Variants in SCARA3 observed in about 807,000 individuals in gnomAD.
SCARA3 encodes scavenger receptor class A member 3.
In SCARA3, 39 loss-of-function variants were observed where a neutral mutation model predicts 47.0. That is an observed-to-expected ratio of 0.83 (90% CI 0.64 to 1.08). SCARA3 has a LOEUF of 1.08. Ranked by LOEUF, SCARA3 falls within the 50% of genes least tolerant of loss-of-function variation. The probability of loss-of-function intolerance (pLI) is 0.00; values close to 1 mark genes in which losing one functional copy is unlikely to be tolerated. For missense variants in SCARA3, 724 were observed against 792.3 expected (o/e 0.91, Z 1.04); for synonymous variants, 356 against 334.1 (o/e 1.07, Z -0.71).
At chr8:27,705,730 A>G in the SCARA3 span, among the ~76,000 whole-genome samples, 9 of 152,370 alleles carry the variant, frequency 5.9e-5, no homozygotes, top group South Asian at 1.9e-3. Flanking sequence ...AGGAAGTTGT[A>G]GCTTAGTGAG....
At chr8:27,659,876 A>AG (rs1299844644) in intron 5 of SCARA3, among the ~76,000 whole-genome samples, 117 of 90,480 alleles carry the variant, frequency 1.3e-3, no homozygotes, top group African/African-American at 3.7e-3. Flanking sequence ...AAAAAAAAAA[A>AG]AGAGAGAGAG....
the SCARA3 span, among the ~76,000 whole-genome samples, chr8:27,723,395 G>T: frequency 2.6e-5 from 4 of 152,092 alleles, no homozygotes; most frequent in African/African-American, 9.7e-5. Flanking sequence ...CTTCCTTTTG[G>T]CAACCTTCTG....
intron 4 of SCARA3, among the ~76,000 whole-genome samples, chr8:27,657,540 CTTT>C (rs10548067): frequency 2.0e-4 from 19 of 94,462 alleles, no homozygotes; most frequent in Admixed American, 2.5e-4. Flanking sequence ...TGTATTCAAC[CTTT>C]TTTTTTTTTT....
At chr8:27,709,358 G>A in the SCARA3 span, among the ~76,000 whole-genome samples, 1 of 152,222 alleles carries the variant, frequency 6.6e-6, no homozygotes, top group Admixed American at 6.5e-5. Context: ...ACCGGGCCAG[G>A]AAGAGGCAGG....
intron 1 of SCARA3, among the ~76,000 whole-genome samples, chr8:27,642,518 G>T (rs1284553983): frequency 6.6e-6 from 1 of 152,144 alleles, no homozygotes; most frequent in Non-Finnish European, 1.5e-5. Context: ...TGACAACGGG[G>T]ATCAAGAGAA....
downstream of SCARA3, among the ~76,000 whole-genome samples, chr8:27,681,699 G>A (rs1802358427): frequency 3.9e-5 from 6 of 152,176 alleles, no homozygotes; most frequent in Admixed American, 3.9e-4. Flanking sequence ...TCCAGCCTGG[G>A]CAACAGGCTG....
At chr8:27,660,678 G>A (rs140152839) in intron 5 of SCARA3, among the ~76,000 whole-genome samples, 51 of 135,130 alleles carry the variant, frequency 3.8e-4, no homozygotes, top group African/African-American at 1.2e-3. Context: ...AGAATCAATA[G>A]TGTAGAGTGA....
chr8:27,719,244 C>A, the SCARA3 span, among the ~76,000 whole-genome samples: 3 of 152,146 alleles, frequency 2.0e-5, no homozygotes, highest in Non-Finnish European at 4.4e-5. Context: ...ATGGATGGAG[C>A]TGGAGGCCAT....
chr8:27,692,419 C>CAAA, the SCARA3 span, among the ~76,000 whole-genome samples: 1 of 127,792 alleles, frequency 7.8e-6, no homozygotes, highest in Admixed American at 7.6e-5. Context: ...AACCCTATCT[C>CAAA]AAAAAAAAAA....
chr8:27,698,272 A>AT, the SCARA3 span, among the ~76,000 whole-genome samples: 54,696 of 152,060 alleles, frequency 0.36, 10,850 homozygotes, highest in East Asian at 0.46. Flanking sequence ...AAATGCATGG[A>AT]TTTTTTTCTC....
At chr8:27,661,965 C>A (rs151015751) in intron 5 of SCARA3, among the ~76,000 whole-genome samples, 194 of 152,276 alleles carry the variant, frequency 1.3e-3, no homozygotes, top group African/African-American at 4.5e-3. Flanking sequence ...CAGGATCAGT[C>A]ACCCACACAA....
chr8:27,650,214 C>T (rs1440117720), intron 2 of SCARA3, among the ~76,000 whole-genome samples: 2 of 152,126 alleles, frequency 1.3e-5, no homozygotes, highest in African/African-American at 2.4e-5. Context: ...AGGCTGGTCT[C>T]AAACTCCTGG....
the SCARA3 span, among the ~76,000 whole-genome samples, chr8:27,688,435 C>A: frequency 8.6e-5 from 13 of 151,442 alleles, no homozygotes; most frequent in African/African-American, 1.9e-4. Flanking sequence ...GTGATTCACA[C>A]CTGTAATCCC....
chr8:27,670,462 T>A (rs1802119800), intron 5 of SCARA3, among the ~76,000 whole-genome samples: 1 of 152,206 alleles, frequency 6.6e-6, no homozygotes, highest in East Asian at 1.9e-4. Flanking sequence ...GGGACACACC[T>A]ATTTCTCATG....
intron 1 of SCARA3, among the ~76,000 whole-genome samples, chr8:27,644,310 G>T (rs376531553): frequency 6.6e-6 from 1 of 152,172 alleles, no homozygotes; most frequent in African/African-American, 2.4e-5. Flanking sequence ...GAAGATTGGG[G>T]CCTGGCTGTG....
At chr8:27,729,150 G>A in the SCARA3 span, among the ~76,000 whole-genome samples, 1 of 152,170 alleles carries the variant, frequency 6.6e-6, no homozygotes, top group African/African-American at 2.4e-5. Flanking sequence ...TCTAAGGGCG[G>A]GGAAGAGAAT....
chr8:27,671,209 C>G lies in SCARA3; in HGVS notation c.1679C>G (p.Pro560Arg). 1 of 1,509,484 alleles carries G rather than the reference C, an allele frequency of 6.6e-7. No individual in the cohort carries two copies. The allele number at this position is 1,509,484 out of a possible 1,614,324, so 93.5% of individuals were successfully genotyped here. The change falls in exon 6 of 6, where the codon CCT becomes CGT. Residue 560 changes from proline to arginine, a missense_variant. Coordinates refer to ENST00000301904, the MANE Select transcript of SCARA3 (RefSeq NM_016240.3). Reference protein sequence around the residue: ...GPPGSPGPSGPQGKPGIAGKT... With the variant: ...GPPGSPGPSGRQGKPGIAGKT... Reference sequence around the variant, plus strand: ...CCGGGGTCTCCAGGGCCCTCAGGGCCTCAGGGAAAACCGGGAATTGCAGGG... The same window carrying G: ...CCGGGGTCTCCAGGGCCCTCAGGGCGTCAGGGAAAACCGGGAATTGCAGGG...
At chr8:27,705,940 G>A in the SCARA3 span, among the ~76,000 whole-genome samples, 1 of 152,114 alleles carries the variant, frequency 6.6e-6, no homozygotes, top group Non-Finnish European at 1.5e-5. Flanking sequence ...CTGGTGGTGA[G>A]AGAGAGCACG....
the SCARA3 span, among the ~76,000 whole-genome samples, chr8:27,689,684 C>T: frequency 6.6e-6 from 1 of 152,154 alleles, no homozygotes; most frequent in Admixed American, 6.5e-5. Flanking sequence ...TTGCAGGGCC[C>T]CAGGTCCTCA....
Sources: allele counts gnomAD v4.1 joint callset (sites outside exome capture counted in the v4.1 genomes callset), GRCh38; gene constraint gnomAD v4.1.1; transcripts MANE v1.5; gene names NCBI Gene and HGNC (gene_info 2026-07-23, HGNC 2026-07-21).